The following ARHGAP39 variants were observed in gnomAD, a reference collection of about 807,000 sequenced individuals.
ARHGAP39 encodes Rho GTPase activating protein 39.
A neutral mutation model predicts 106.9 loss-of-function variants in ARHGAP39; 44 were observed. That is an observed-to-expected ratio of 0.41 (90% CI 0.32 to 0.53). ARHGAP39 has a LOEUF of 0.53. ARHGAP39 is among the 20% of genes least tolerant of loss of function. The pLI is 0.21. For synonymous variants in ARHGAP39, 768 were observed against 693.2 expected (o/e 1.11, Z -1.69); for missense variants, 1,496 against 1,577.3 (o/e 0.95, Z 0.87).
At chr8:144,659,673 C>T (rs530985047) in intron 1 of ARHGAP39, among the ~76,000 whole-genome samples, 14 of 152,290 alleles carry the variant, frequency 9.2e-5, no homozygotes, top group East Asian at 7.7e-4. Flanking sequence ...CAAAATCTTC[C>T]GGCCTTGGCT....
intron 1 of ARHGAP39, among the ~76,000 whole-genome samples, chr8:144,682,714 A>G (rs529487697): frequency 6.6e-6 from 1 of 152,316 alleles, no homozygotes; most frequent in East Asian, 1.9e-4. Context: ...ACTGAGAAGT[A>G]TAACAACAAT....
At chr8:144,636,384 T>C (rs1821173550) in intron 1 of ARHGAP39, among the ~76,000 whole-genome samples, 1 of 152,000 alleles carries the variant, frequency 6.6e-6, no homozygotes, top group Non-Finnish European at 1.5e-5. Context: ...CTGGGTTAGT[T>C]TGTTTTGTTT....
intron 7 of ARHGAP39, among the ~76,000 whole-genome samples, chr8:144,536,533 C>T (rs931019799): frequency 6.6e-6 from 1 of 152,220 alleles, no homozygotes; most frequent in African/African-American, 2.4e-5. Flanking sequence ...CAGGTAGGAG[C>T]GCAAAGCTCC....
At chr8:144,545,115 T>G in intron 6 of ARHGAP39, 134 bp downstream of exon 6, 5 of 791,450 alleles carry the variant, frequency 6.3e-6, no homozygotes, top group Non-Finnish European at 7.1e-6. Context: ...TGTGGGGCGT[T>G]TTGGGAGGTG....
At chr8:144,662,413 C>T in intron 1 of ARHGAP39, among the ~76,000 whole-genome samples, 1 of 150,762 alleles carries the variant, frequency 6.6e-6, no homozygotes. Flanking sequence ...GACAGCTCTC[C>T]CCTCCCCATC....
chr8:144,558,176 T>C (rs1818015901), intron 3 of ARHGAP39, among the ~76,000 whole-genome samples: 1 of 152,204 alleles, frequency 6.6e-6, no homozygotes, highest in African/African-American at 2.4e-5. Flanking sequence ...TGTTGAGACA[T>C]ATAAAAGAAG....
chr8:144,580,905 C>T lies in ARHGAP39; in HGVS notation c.453G>A (p.Glu151=). 6.2e-7 allele frequency: 1 copy of T among 1,603,538 alleles called. No homozygotes were observed. The highest frequency in any genetic ancestry group is 8.5e-7 in the Non-Finnish European group (1 of 1,178,030). ...EPEPDTEKAQ[E]LPARAGRPAA... ...CGGGCCGCCCGGCCCTCGCTGGCAA[C>T]TCCTGCGCTTTCTCAGTGTCGGGCT... is the stretch of plus-strand genomic sequence containing the variant. The change falls in exon 3 of 12, where the codon GAG becomes GAA. Residue 151 remains glutamate (E), a synonymous_variant. Coordinates refer to ENST00000377307, the MANE Select transcript of ARHGAP39 (RefSeq NM_025251.3).
At chr8:144,629,607 C>CTG (rs1821012098) in intron 1 of ARHGAP39, among the ~76,000 whole-genome samples, 2 of 152,238 alleles carry the variant, frequency 1.3e-5, no homozygotes. Flanking sequence ...AGATTCAACC[C>CTG]TGTGAAATTG....
At chr8:144,686,866 T>C, upstream of ARHGAP39, among the ~76,000 whole-genome samples, 1 of 146,138 alleles carries the variant, frequency 6.8e-6, no homozygotes, top group Non-Finnish European at 1.5e-5. Context: ...TGCCTTCACC[T>C]TAAACTTGTG....
rs145161534 is a variant in ARHGAP39 at position 144,567,171 on chromosome 8, T to C, written c.513-11528A>G. Among the ~76,000 whole-genome samples the C allele has an allele frequency of 4.9e-3, 740 of 152,338 alleles. 9 individuals carry two copies. The highest frequency in any genetic ancestry group is 0.016 in the African/African-American group (667 of 41,582). On this transcript the variant is annotated intron_variant, in intron 3 of 11. Coordinates refer to ENST00000377307, the MANE Select transcript of ARHGAP39 (RefSeq NM_025251.3). Reference sequence around the variant, plus strand: ...TTATACCAGATATAGATCTTAGATATGATTATATATGAATATCATTGATCA... The same window carrying C: ...TTATACCAGATATAGATCTTAGATACGATTATATATGAATATCATTGATCA...
At chr8:144,619,752 C>A (rs1820740061) in intron 1 of ARHGAP39, among the ~76,000 whole-genome samples, 1 of 134,224 alleles carries the variant, frequency 7.5e-6, no homozygotes, top group South Asian at 2.5e-4. Context: ...CTGTGTGTAC[C>A]TCAGTGTGTG....
At chr8:144,666,400 T>C (rs908653503) in intron 1 of ARHGAP39, among the ~76,000 whole-genome samples, 1 of 151,702 alleles carries the variant, frequency 6.6e-6, no homozygotes, top group African/African-American at 2.4e-5. Context: ...AGGACATGAG[T>C]TTTGGAGGGG....
intron 1 of ARHGAP39, among the ~76,000 whole-genome samples, chr8:144,658,546 A>G (rs1016849012): frequency 6.6e-6 from 1 of 152,136 alleles, no homozygotes; most frequent in African/African-American, 2.4e-5. Context: ...AAGTGCTGGG[A>G]TTATAGGTGT....
Position 144,548,037 on chromosome 8 carries a change from C to A in ARHGAP39, c.1049G>T (p.Gly350Val). The A allele has an allele frequency of 6.2e-7, 1 of 1,604,474 alleles. No individual in the cohort carries two copies. ...CTGGAGGAACGGCCGGGGCTTACGG[C>A]CCGGCGACCGCTGGGGAGAGCCGGC... ...YQAGSPQRSP[G>V]RKPRPFLQPN... Residue 350 changes from glycine (G) to valine (V), a missense_variant, in exon 5 of 12, where the codon GGC (glycine) becomes GTC (valine). This residue lies in a region of ARHGAP39 where 905 missense variants were observed against 816.4 expected (regional missense o/e 1.11). Coordinates refer to ENST00000377307, the MANE Select transcript of ARHGAP39 (RefSeq NM_025251.3). The surrounding 1 kb of genome is among the most constrained non-coding windows in gnomAD (Gnocchi z 7.4).
rs73377653 is a variant in ARHGAP39 at position 144,563,780 on chromosome 8, C to A, written c.513-8137G>T. Reference sequence around the variant, plus strand: ...CATTCTAGCATGGGTAACAGCGAGACCTTGTATCTAAAAAAAATAATAATA... The same window carrying A: ...CATTCTAGCATGGGTAACAGCGAGAACTTGTATCTAAAAAAAATAATAATA... On this transcript the variant is annotated intron_variant, in intron 3 of 11. Transcript: ENST00000377307. Among the ~76,000 whole-genome samples, 1,064 of 150,770 alleles carry A rather than the reference C, an allele frequency of 7.1e-3. 12 individuals carry two copies. The highest frequency in any genetic ancestry group is 0.024 in the African/African-American group (960 of 40,692).
At chr8:144,565,930 A>C (rs75147863) in intron 3 of ARHGAP39, among the ~76,000 whole-genome samples, 1 of 141,792 alleles carries the variant, frequency 7.1e-6, no homozygotes, top group Non-Finnish European at 1.5e-5. Context: ...CAACTCTACA[A>C]AAAAAAAAAA....
upstream of ARHGAP39, among the ~76,000 whole-genome samples, chr8:144,690,801 C>T (rs555651617): frequency 8.0e-5 from 12 of 150,934 alleles, no homozygotes; most frequent in East Asian, 2.2e-3. Context: ...CACACCACCA[C>T]ACCCAGCTGA....
intron 1 of ARHGAP39, among the ~76,000 whole-genome samples, chr8:144,633,760 T>C (rs1184952773): frequency 6.6e-6 from 1 of 152,188 alleles, no homozygotes; most frequent in East Asian, 1.9e-4. Context: ...TTGCAGATCC[T>C]GCAGCCTCCA....
chr8:144,545,377 A>T lies in ARHGAP39; in HGVS notation c.2393T>A (p.Leu798Gln). The T allele has an allele frequency of 6.3e-7, 1 of 1,596,684 alleles. No individual in the cohort carries two copies. Among genetic ancestry groups the T allele is most frequent in the Admixed American group, 1.7e-5 (1 of 59,564 alleles). ...LCRQTTENFR[L>Q]ESLARGWELM... Reference sequence around the variant, plus strand: ...CTCCCAGCCGCGGGCCAGGCTCTCCAGGCGGAAGTTCTCGGTGGTCTGCCG... The same window carrying T: ...CTCCCAGCCGCGGGCCAGGCTCTCCTGGCGGAAGTTCTCGGTGGTCTGCCG... The change falls in exon 6 of 12, where the codon CTG becomes CAG. Residue 798 changes from leucine to glutamine, a missense_variant. Physicochemically the swap from Leu to Gln is moderately radical, Grantham distance 113 (BLOSUM62 -2). Transcript: ENST00000377307.
Sources: allele counts gnomAD v4.1 joint callset (sites outside exome capture counted in the v4.1 genomes callset), GRCh38; gene constraint gnomAD v4.1.1; regional missense constraint gnomAD v4.1.1; non-coding constraint Gnocchi (gnomAD v3.1); transcripts MANE v1.5; gene names NCBI Gene and HGNC (gene_info 2026-07-23, HGNC 2026-07-21).